Variants in MTUS2 observed in about 807,000 individuals in gnomAD.
MTUS2 encodes microtubule-associated tumor suppressor candidate 2.
In MTUS2, 40 loss-of-function variants were observed where a neutral mutation model predicts 114.1. The observed-to-expected ratio is 0.35, with a 90% CI of 0.27 to 0.46. The LOEUF (loss-of-function observed/expected upper bound fraction) is 0.46. Ranked by LOEUF, MTUS2 falls within the 20% of genes least tolerant of loss-of-function variation. The pLI is 1.00. For synonymous variants in MTUS2, 688 were observed against 672.0 expected, an observed-to-expected ratio of 1.02 and a Z score of -0.37; for missense variants, 1,679 against 1,705.4, an observed-to-expected ratio of 0.98 and a Z score of 0.27.
At chr13:29,361,564 T>C (rs1294283397) in intron 8 of MTUS2, among the ~76,000 whole-genome samples, 1 of 152,188 alleles carries the variant, frequency 6.6e-6, no homozygotes, top group Non-Finnish European at 1.5e-5. Context: ...GAGAATTTGC[T>C]AGTAATACTG....
chr13:29,175,459 C>T (rs188774044), intron 5 of MTUS2, among the ~76,000 whole-genome samples: 55 of 152,238 alleles, frequency 3.6e-4, no homozygotes, highest in African/African-American at 1.2e-3. Flanking sequence ...CATTAGACAA[C>T]GGGTGTTCTC....
At chr13:28,955,363 T>C (rs674286) in intron 2 of MTUS2, among the ~76,000 whole-genome samples, 132,732 of 152,276 alleles carry the variant, frequency 0.87, 58,236 homozygotes, top group East Asian at 1. Context: ...TTTTGTGTGG[T>C]ACAGCATTTA....
At chr13:29,295,986 G>A (rs1260057435) in intron 6 of MTUS2, among the ~76,000 whole-genome samples, 2 of 152,104 alleles carry the variant, frequency 1.3e-5, no homozygotes, top group Non-Finnish European at 1.5e-5. Flanking sequence ...GATGAGATTT[G>A]GGTGGGGACA....
chr13:29,338,521 C>T (rs760420017), intron 7 of MTUS2, among the ~76,000 whole-genome samples: 13 of 152,094 alleles, frequency 8.5e-5, no homozygotes, highest in South Asian at 4.2e-4. Context: ...ACCGGGGAGG[C>T]GGAGGTTGCA....
At chr13:29,073,764 GC>G (rs1889053974) in intron 4 of MTUS2, among the ~76,000 whole-genome samples, 3 of 152,072 alleles carry the variant, frequency 2.0e-5, no homozygotes, top group Admixed American at 2.0e-4. Flanking sequence ...CTCCCATAGA[GC>G]TTTTCAGACC....
intron 7 of MTUS2, among the ~76,000 whole-genome samples, chr13:29,335,569 G>T (rs377481165): frequency 5.2e-4 from 79 of 152,168 alleles, no homozygotes; most frequent in African/African-American, 1.9e-3. Context: ...TTTGCGGCTT[G>T]GGGGGCATCA....
intron 8 of MTUS2, among the ~76,000 whole-genome samples, chr13:29,396,266 A>T (rs116440105): frequency 1.3e-5 from 2 of 152,224 alleles, no homozygotes; most frequent in African/African-American, 4.8e-5. Context: ...CACACTGAAC[A>T]TATAATTAAT....
intron 7 of MTUS2, among the ~76,000 whole-genome samples, chr13:29,347,025 C>T (rs1197638997): frequency 6.6e-6 from 1 of 151,284 alleles, no homozygotes. Context: ...TCATGGAGCC[C>T]GCAGCCACAA....
At chr13:28,874,440 C>T (rs1005975163) in intron 2 of MTUS2, among the ~76,000 whole-genome samples, 5 of 152,234 alleles carry the variant, frequency 3.3e-5, no homozygotes, top group African/African-American at 1.2e-4. Flanking sequence ...GCCAGGAATT[C>T]AGGAAGGACT....
intron 7 of MTUS2, among the ~76,000 whole-genome samples, chr13:29,329,186 G>T (rs972970957): frequency 1.3e-5 from 2 of 152,138 alleles, no homozygotes; most frequent in African/African-American, 4.8e-5. Flanking sequence ...GGATGTGCAG[G>T]TTTGTTACAT....
chr13:29,281,621 AG>A, intron 5 of MTUS2, 82 bp from the exon 6 acceptor site: 5 of 1,411,916 alleles, frequency 3.5e-6, no homozygotes, highest in Non-Finnish European at 2.9e-6. Context: ...TGACGGCAGT[AG>A]GATTGGTTGG....
intron 5 of MTUS2, among the ~76,000 whole-genome samples, chr13:29,266,816 G>A (rs117490867): frequency 0.017 from 2,515 of 152,218 alleles, 22 homozygotes; most frequent in Middle Eastern, 0.031. Context: ...CTTGGACAGC[G>A]GACGTCTCAA....
chr13:28,994,938 G>C (rs1885027450), intron 2 of MTUS2, among the ~76,000 whole-genome samples: 1 of 152,058 alleles, frequency 6.6e-6, no homozygotes, highest in Non-Finnish European at 1.5e-5. Context: ...GTCTTTTGTT[G>C]CCATTGCTTT....
upstream of MTUS2, among the ~76,000 whole-genome samples, chr13:28,819,978 C>T (rs988364766): frequency 1.7e-3 from 253 of 147,040 alleles, no homozygotes; most frequent in African/African-American, 5.9e-3. Flanking sequence ...CGTCTCCGGG[C>T]GGCCGGGAGG....
chr13:29,438,413 A>C (rs1334028181), intron 8 of MTUS2, among the ~76,000 whole-genome samples: 5 of 152,196 alleles, frequency 3.3e-5, no homozygotes, highest in Admixed American at 6.5e-5. Flanking sequence ...TTTATTTCTC[A>C]CAATTCTGCA....
rs1430741141 is a variant in MTUS2, at chr13:29,403,829, CT to C, written c.3118-36151del. Among the ~76,000 whole-genome samples the C allele has an allele frequency of 2.6e-5, 4 of 152,292 alleles. No homozygotes were observed. The East Asian group carries it at 7.7e-4, about 29-fold the overall frequency. The stretch of plus-strand genomic sequence containing the variant: ...CAATTATGTAAGCCAATTCCTTATT[CT>C]TTCGATCCATCTATCTCCCTACCTA... On this transcript the variant is annotated intron_variant, in intron 8 of 15. Transcript: ENST00000612955.
intron 11 of MTUS2, among the ~76,000 whole-genome samples, chr13:29,489,186 G>A (rs969555511): frequency 1.3e-5 from 2 of 152,202 alleles, no homozygotes; most frequent in African/African-American, 2.4e-5. Context: ...CAGGAGAATC[G>A]CCTGAACCCT....
In MTUS2 at chr13:28,909,008, G is replaced by A. The variant is rs138953125; in HGVS notation, c.-243+69158G>A. Among the ~76,000 whole-genome samples the A allele has an allele frequency of 4.5e-3, 679 of 150,240 alleles. 17 individuals carry two copies. The highest frequency in any genetic ancestry group is 7.1e-3 in the African/African-American group (288 of 40,502). ...AAAGATCAGATGGTTATAGATATGC[G>A]GCATTGTTTCTGAGGGCTGTGTTCT... On this transcript the variant is annotated intron_variant, in intron 2 of 15. Transcript: ENST00000612955.
In MTUS2 at chr13:29,503,832, T is replaced by C; in HGVS notation, c.*626T>C. On this transcript the variant is annotated 3_prime_UTR_variant, in exon 16 of 16. Transcript: ENST00000612955. ...ACGAACACCAGCTATTTGTGAACGG[T>C]AACTGCCTTTGGAACAATCAGCTTC... is the stretch of plus-strand genomic sequence containing the variant. 4.3e-6 allele frequency: 1 copy of C among 234,086 alleles called. No individual in the cohort carries two copies. Among genetic ancestry groups the C allele is most frequent in the Non-Finnish European group, 8.5e-6 (1 of 118,314 alleles). The allele number at this position is 234,086 out of a possible 1,614,324, so 14.5% of individuals were successfully genotyped here.
Sources: allele counts gnomAD v4.1 joint callset (sites outside exome capture counted in the v4.1 genomes callset), GRCh38; gene constraint gnomAD v4.1.1; transcripts MANE v1.5; gene names NCBI Gene and HGNC (gene_info 2026-07-23, HGNC 2026-07-21).